GPHN: variants seen among roughly 807,000 people sequenced by gnomAD.
GPHN encodes gephyrin.
In GPHN, 17 loss-of-function variants were observed where a neutral mutation model predicts 95.5. The observed-to-expected ratio is 0.18, with a 90% CI of 0.12 to 0.27. The LOEUF (loss-of-function observed/expected upper bound fraction) is 0.27, where lower values mean the gene tolerates loss of function less well. Among genes scored for constraint, GPHN ranks in the 10% least tolerant of loss-of-function variants. The pLI, the probability that GPHN is intolerant of heterozygous loss-of-function variation, is 1.00. For synonymous variants in GPHN, 320 were observed against 322.5 expected (o/e 0.99, Z 0.08); for missense variants, 660 against 978.1 (o/e 0.67, Z 4.34).
chr14:66,685,400 T>A (rs1343257018), intron 2 of GPHN, among the ~76,000 whole-genome samples: 1 of 152,156 alleles, frequency 6.6e-6, no homozygotes, highest in Non-Finnish European at 1.5e-5. Context: ...CTCCACATCC[T>A]CTCCAGCACC....
At chr14:67,539,428 C>T in the GPHN span, among the ~76,000 whole-genome samples, 1 of 152,154 alleles carries the variant, frequency 6.6e-6, no homozygotes, top group Admixed American at 6.5e-5. Context: ...AAGAAGCGAG[C>T]TTACTCGGTC....
At chr14:67,646,091 A>G in the GPHN span, among the ~76,000 whole-genome samples, 50 of 152,350 alleles carry the variant, frequency 3.3e-4, no homozygotes, top group South Asian at 1.9e-3. Flanking sequence ...ACTCTCAGAC[A>G]CACTGATCTA....
chr14:66,598,838 C>CAA (rs375173931), intron 1 of GPHN, among the ~76,000 whole-genome samples: 6 of 103,716 alleles, frequency 5.8e-5, no homozygotes, highest in East Asian at 5.0e-4. Context: ...GACTCTGTCT[C>CAA]AAAAAAAAAA....
the GPHN span, among the ~76,000 whole-genome samples, chr14:67,347,660 C>A: frequency 6.6e-6 from 1 of 151,962 alleles, no homozygotes; most frequent in Non-Finnish European, 1.5e-5. Context: ...ACCACCACAC[C>A]CGGCTAATTT....
chr14:66,747,611 T>TA lies in GPHN; in HGVS notation c.144-28841dup, dbSNP rs35180294. ...TGAGACAGTCATTTATAGTACATTG[T>TA]AAAAAAAAAAAACAAAACTGCCCCA... On this transcript the variant is annotated intron_variant, in intron 2 of 22. Transcript: ENST00000478722. Among the ~76,000 whole-genome samples the TA allele has an allele frequency of 4.1e-3, 595 of 144,662 alleles. 2 individuals carry two copies. The highest frequency in any genetic ancestry group is 7.1e-3 in the Middle Eastern group (2 of 282). 94.9% of individuals were successfully genotyped at this position (144,662 alleles called of 152,430 possible).
In GPHN at chr14:66,581,745, A is replaced by G. The variant is rs906830749; in HGVS notation, c.64+73154A>G. On this transcript the variant is annotated intron_variant, in intron 1 of 22. Coordinates refer to ENST00000478722, the MANE Select transcript of GPHN (RefSeq NM_020806.5). ...AAACCAAAAGAAAGCAGGAGTAGCT[A>G]TACTTATATCAGATGAAATAGAATT... Among the ~76,000 whole-genome samples, 5 of 152,102 alleles carry G rather than the reference A, an allele frequency of 3.3e-5. No homozygotes were observed. In the East Asian group the frequency reaches 7.7e-4, roughly 23 times the overall value.
chr14:67,132,002 A>G (rs1486281084), intron 17 of GPHN, among the ~76,000 whole-genome samples: 1 of 152,174 alleles, frequency 6.6e-6, no homozygotes, highest in Non-Finnish European at 1.5e-5. Flanking sequence ...GAAAATTGCC[A>G]TCACAGAAGC....
chr14:66,582,376 C>CATTTTATTTT (rs141449015), intron 1 of GPHN, among the ~76,000 whole-genome samples: 9 of 151,400 alleles, frequency 5.9e-5, no homozygotes, highest in Admixed American at 3.3e-4. Context: ...GCAACAAAAG[C>CATTTTATTTT]ATTTTATTTT....
At chr14:66,516,985 G>T (rs1253849764) in intron 1 of GPHN, among the ~76,000 whole-genome samples, 4 of 151,586 alleles carry the variant, frequency 2.6e-5, no homozygotes, top group Non-Finnish European at 4.4e-5. Flanking sequence ...TGAAAATTAG[G>T]CAGGCATGGT....
At chr14:66,656,094 A>G (rs1292493657) in intron 1 of GPHN, among the ~76,000 whole-genome samples, 1 of 151,992 alleles carries the variant, frequency 6.6e-6, no homozygotes, top group East Asian at 1.9e-4. Flanking sequence ...TGCTTTTTGC[A>G]TCTGCGTAAT....
At chr14:67,680,732 T>C in the GPHN span, among the ~76,000 whole-genome samples, 1 of 152,202 alleles carries the variant, frequency 6.6e-6, no homozygotes, top group African/African-American at 2.4e-5. Flanking sequence ...GTGCAGGGAT[T>C]ACAGGCGTGA....
chr14:66,953,994 G>A lies in GPHN; in HGVS notation c.829-11197G>A, dbSNP rs1414965881. ...AGGTTGCAGTGAGCCAAGACGGTGC[G>A]ATTGCACGCGAGCCTGGGCAACAAG... On this transcript the variant is annotated intron_variant, in intron 8 of 22. Coordinates refer to ENST00000478722, the MANE Select transcript of GPHN (RefSeq NM_020806.5). 4.7e-5 allele frequency among the ~76,000 whole-genome samples: 7 copies of A among 149,146 alleles called. No individual in the cohort carries two copies. In the South Asian group the frequency reaches 6.3e-4, roughly 13 times the overall value.
intron 18 of GPHN, among the ~76,000 whole-genome samples, chr14:67,151,315 T>G (rs1378410447): frequency 6.6e-6 from 1 of 152,168 alleles, no homozygotes; most frequent in Non-Finnish European, 1.5e-5. Context: ...GGCACAAAAA[T>G]CTTAATTGAT....
intron 19 of GPHN, among the ~76,000 whole-genome samples, chr14:67,162,024 AGAG>A (rs541790266): frequency 2.1e-4 from 32 of 152,214 alleles, no homozygotes; most frequent in Non-Finnish European, 4.6e-4. Flanking sequence ...TCTGAGCTCA[AGAG>A]GAGAACTGAA....
intron 3 of GPHN, among the ~76,000 whole-genome samples, chr14:66,809,499 A>T (rs1347023721): frequency 6.6e-6 from 1 of 152,194 alleles, no homozygotes; most frequent in Admixed American, 6.5e-5. Context: ...AGAAATACAA[A>T]AAAGATTAAT....
At chr14:67,075,625 G>A (rs72715338) in intron 11 of GPHN, among the ~76,000 whole-genome samples, 8,269 of 152,170 alleles carry the variant, frequency 0.054, 237 homozygotes, top group Middle Eastern at 0.068. Context: ...TATGATTCAC[G>A]GGAGGAGGTC....
the GPHN span, chr14:67,659,697 G>GAA: frequency 2.8e-6 from 4 of 1,441,180 alleles, no homozygotes; most frequent in Non-Finnish European, 9.3e-7. Context: ...GCCCTTAAAG[G>GAA]AAAAAAAAAA....
At chr14:67,311,337 G>T in the GPHN span, among the ~76,000 whole-genome samples, 3 of 143,474 alleles carry the variant, frequency 2.1e-5, no homozygotes, top group African/African-American at 7.8e-5. Flanking sequence ...AAAAGCCAAA[G>T]CCAAATAATA....
intron 3 of GPHN, among the ~76,000 whole-genome samples, chr14:66,820,863 G>A (rs1376662441): frequency 6.6e-6 from 1 of 152,026 alleles, no homozygotes; most frequent in African/African-American, 2.4e-5. Flanking sequence ...TTGATTTTAT[G>A]ACATATTAGG....
Sources: gnomAD v4.1 joint callset for allele counts (sites outside exome capture counted in the v4.1 genomes callset) on GRCh38, gnomAD v4.1.1 for gene constraint, MANE v1.5 for transcripts, NCBI Gene and HGNC (gene_info 2026-07-23, HGNC 2026-07-21) for gene names.